AK5: variants seen among roughly 807,000 people sequenced by gnomAD.
The protein encoded by AK5 is adenylate kinase 5, also known as adenylate kinase isoenzyme 5.
AK5 carries 27 observed loss-of-function variants against 69.5 expected under a neutral mutation model. The observed-to-expected ratio is 0.39, with a 90% confidence interval of 0.29 to 0.54. The LOEUF (loss-of-function observed/expected upper bound fraction) is 0.54, where lower values mean the gene tolerates loss of function less well. Among genes scored for constraint, AK5 ranks in the 20% least tolerant of loss-of-function variants. The pLI is 0.71. For synonymous variants in AK5, 260 were observed against 244.4 expected (o/e 1.06, Z -0.60); for missense variants, 531 against 700.4 (o/e 0.76, Z 2.73).
chr1:77,367,671 A>G (rs1288246782), intron 6 of AK5, among the ~76,000 whole-genome samples: 11 of 69,766 alleles, frequency 1.6e-4, no homozygotes, highest in Non-Finnish European at 2.0e-4. Flanking sequence ...TATGTTATAT[A>G]TAATATATAT....
In AK5 at chr1:77,521,942, GGGT is replaced by G. The variant is rs749754040; in HGVS notation, c.1428+1_1428+3del. ...AAGCAAGGGGAAGAGTTCGGACGCA[GGGT>G]GAGTGGTTGTTACGGGCATCCTTCC... On this transcript the variant is annotated splice_donor_variant and coding_sequence_variant, in exon 12 of 14. Coordinates refer to ENST00000354567, the MANE Select transcript of AK5 (RefSeq NM_174858.3). LOFTEE classifies it high-confidence loss of function. The G allele has an allele frequency of 6.3e-7, 1 of 1,596,058 alleles. No individual in the cohort carries two copies.
chr1:77,422,011 C>A (rs1039457985), intron 8 of AK5, among the ~76,000 whole-genome samples: 52 of 152,158 alleles, frequency 3.4e-4, no homozygotes, highest in Non-Finnish European at 7.2e-4. Context: ...TGTCCAAAAC[C>A]ACGCTCACCA....
At chr1:77,399,741 G>A (rs1255714406) in intron 6 of AK5, among the ~76,000 whole-genome samples, 1 of 152,216 alleles carries the variant, frequency 6.6e-6, no homozygotes, top group Non-Finnish European at 1.5e-5. Flanking sequence ...GAATAGTGAT[G>A]AGAGGAGAAA....
At chr1:77,544,384 C>G (rs1659431757) in intron 13 of AK5, among the ~76,000 whole-genome samples, 1 of 152,154 alleles carries the variant, frequency 6.6e-6, no homozygotes, top group South Asian at 2.1e-4. Context: ...CTTTGGCTTA[C>G]TATAACCTTT....
At chr1:77,283,941 T>G (rs940315229) in intron 1 of AK5, among the ~76,000 whole-genome samples, 1 of 152,172 alleles carries the variant, frequency 6.6e-6, no homozygotes, top group African/African-American at 2.4e-5. Flanking sequence ...GTGGGTACTG[T>G]TTTTCCTCCT....
intron 8 of AK5, among the ~76,000 whole-genome samples, chr1:77,438,065 G>A (rs1652063991): frequency 6.6e-6 from 1 of 152,022 alleles, no homozygotes; most frequent in Non-Finnish European, 1.5e-5. Flanking sequence ...TGGATAGCTT[G>A]TTGGCTGTCA....
chr1:77,283,191 C>G, intron 1 of AK5: 1 of 985,492 alleles, frequency 1.0e-6, no homozygotes, highest in Middle Eastern at 5.2e-4. Context: ...TTGGTCTGTT[C>G]TAAGCCACAA....
At chr1:77,500,884 T>TA (rs1236077267) in intron 10 of AK5, among the ~76,000 whole-genome samples, 2 of 149,124 alleles carry the variant, frequency 1.3e-5, no homozygotes, top group African/African-American at 5.0e-5. Context: ...TGTTTTTTTT[T>TA]ATGTTCCTAC....
At chr1:77,475,644 T>G (rs1171469177) in intron 8 of AK5, among the ~76,000 whole-genome samples, 1 of 150,236 alleles carries the variant, frequency 6.7e-6, no homozygotes, top group Admixed American at 6.7e-5. Context: ...CAGTGTGCTC[T>G]GTAATTCCCA....
rs1202203579 is a variant in AK5 at position 77,435,644 on chromosome 1, C to CAAAAAAAAAAAAAA, written c.1059+17932_1059+17945dup. Among the ~76,000 whole-genome samples, 269 of 66,024 alleles carry CAAAAAAAAAAAAAA rather than the reference C, an allele frequency of 4.1e-3. 3 individuals are homozygous for CAAAAAAAAAAAAAA. The highest frequency in any genetic ancestry group is 0.015 in the African/African-American group (262 of 17,562). The allele number at this position is 66,024 out of a possible 152,430, so 43.3% of individuals were successfully genotyped here. Reference sequence around the variant, plus strand: ...CTGGTGACAGAGCAAGACTCTGTCTCAAAAAAAAAAAAAAAAGAAGCTGCA... The same window carrying CAAAAAAAAAAAAAA: ...CTGGTGACAGAGCAAGACTCTGTCTCAAAAAAAAAAAAAAAAAAAAAAAAAAAAAAGAAGCTGCA... On this transcript the variant is annotated intron_variant, in intron 8 of 13. Coordinates refer to ENST00000354567, the MANE Select transcript of AK5 (RefSeq NM_174858.3).
intron 10 of AK5, among the ~76,000 whole-genome samples, chr1:77,494,307 G>A (rs1472613206): frequency 6.6e-6 from 1 of 152,196 alleles, no homozygotes; most frequent in Non-Finnish European, 1.5e-5. Context: ...TGTTATCCTG[G>A]TTATTGATTA....
chr1:77,473,066 T>C (rs1570206112), intron 8 of AK5, among the ~76,000 whole-genome samples: 1 of 152,180 alleles, frequency 6.6e-6, no homozygotes. Flanking sequence ...TAAGGTAACA[T>C]ATTCACAAGT....
At chr1:77,413,416 C>G (rs930961675) in intron 7 of AK5, among the ~76,000 whole-genome samples, 1 of 152,118 alleles carries the variant, frequency 6.6e-6, no homozygotes, top group Non-Finnish European at 1.5e-5. Flanking sequence ...AGATTAGGCC[C>G]TTGAATAGCA....
At chr1:77,486,176 T>A in intron 9 of AK5, 132 bp from the exon 10 acceptor site, 1 of 614,076 alleles carries the variant, frequency 1.6e-6, no homozygotes, top group Non-Finnish European at 2.9e-6. Context: ...TGTAGCCTAT[T>A]CACACATTTA....
chr1:77,432,569 G>A (rs1442059407), intron 8 of AK5, among the ~76,000 whole-genome samples: 1 of 152,254 alleles, frequency 6.6e-6, no homozygotes, highest in Middle Eastern at 3.4e-3. Context: ...TTTGTATAAT[G>A]GTTTTGAGCC....
At chr1:77,492,862 A>G (rs773867844) in intron 10 of AK5, among the ~76,000 whole-genome samples, 2 of 152,222 alleles carry the variant, frequency 1.3e-5, no homozygotes, top group Non-Finnish European at 2.9e-5. Flanking sequence ...AGCACCAGGA[A>G]GAACGAGAAC....
At chr1:77,288,483 T>C (rs532277698) in intron 2 of AK5, among the ~76,000 whole-genome samples, 2 of 152,262 alleles carry the variant, frequency 1.3e-5, no homozygotes, top group South Asian at 2.1e-4. Flanking sequence ...GCAATCTTAG[T>C]TGCTTAACCT....
rs556594392 is a variant in AK5 at position 77,368,853 on chromosome 1, T to C, written c.891+28285T>C. Among the ~76,000 whole-genome samples, 19 of 152,280 alleles carry C rather than the reference T, an allele frequency of 1.2e-4. 2 individuals carry two copies. In the South Asian group the frequency reaches 3.9e-3, roughly 32 times the overall value. ...ACCGGAATATATAATCTTAATTTTA[T>C]GATCCAGCTCCATTTAACAATTAAA... On this transcript the variant is annotated intron_variant, in intron 6 of 13. Coordinates refer to ENST00000354567, the MANE Select transcript of AK5 (RefSeq NM_174858.3).
chr1:77,549,103 T>C (rs376355865), intron 13 of AK5, among the ~76,000 whole-genome samples: 176 of 152,166 alleles, frequency 1.2e-3, no homozygotes, highest in African/African-American at 4.2e-3. Context: ...CTTGAACTCC[T>C]GACCTCAGGT....
Sources: gnomAD v4.1 joint callset for allele counts (sites outside exome capture counted in the v4.1 genomes callset) on GRCh38, gnomAD v4.1.1 for gene constraint, MANE v1.5 for transcripts, NCBI Gene and HGNC (gene_info 2026-07-23, HGNC 2026-07-21) for gene names.